Variants in L3MBTL4 observed in about 807,000 individuals in gnomAD.
The protein encoded by L3MBTL4 is L3MBTL histone methyl-lysine binding protein 4.
A neutral mutation model predicts 84.5 loss-of-function variants in L3MBTL4; 70 were observed. That is an observed-to-expected ratio of 0.83 (90% CI 0.68 to 1.01). L3MBTL4 has a LOEUF of 1.01. L3MBTL4 is among the 50% of genes least tolerant of loss of function. The pLI, the probability that L3MBTL4 is intolerant of heterozygous loss-of-function variation, is 0.00. For missense variants in L3MBTL4, 715 were observed against 754.8 expected (o/e 0.95, Z 0.62); for synonymous variants, 274 against 259.8 (o/e 1.05, Z -0.52).
intron 17 of L3MBTL4, among the ~76,000 whole-genome samples, chr18:5,961,380 G>T (rs2095262643): frequency 6.6e-6 from 1 of 152,204 alleles, no homozygotes; most frequent in African/African-American, 2.4e-5. Flanking sequence ...CATACCCTAG[G>T]GCTGGACACC....
At chr18:6,393,225 C>A (rs2055131927) in intron 1 of L3MBTL4, among the ~76,000 whole-genome samples, 1 of 152,188 alleles carries the variant, frequency 6.6e-6, no homozygotes, top group Admixed American at 6.5e-5. Context: ...CAACTAATTT[C>A]TCTGTGCACT....
chr18:6,068,227 T>A (rs2057460953), intron 16 of L3MBTL4, among the ~76,000 whole-genome samples: 1 of 152,188 alleles, frequency 6.6e-6, no homozygotes, highest in African/African-American at 2.4e-5. Flanking sequence ...CACCTTTTTA[T>A]TTATTTAATT....
rs545068598 is a variant in L3MBTL4 at position 6,171,998 on chromosome 18, T to C, written c.982-56A>G. On this transcript the variant is annotated intron_variant, in intron 12 of 18. Coordinates refer to ENST00000317931, the MANE Select transcript of L3MBTL4 (RefSeq NM_001330559.2). ...TTAGTAATTAGGATTTCACTATTCC[T>C]GTATCAAAATATTTGAATACAGATG... 56 of 811,100 alleles carry C rather than the reference T, an allele frequency of 6.9e-5. 1 individual carries two copies. In the South Asian group the frequency reaches 9.3e-4, roughly 13 times the overall value. The allele number at this position is 811,100 out of a possible 1,614,324, so 50.2% of individuals were successfully genotyped here.
chr18:6,029,655 A>C (rs1598482052), intron 16 of L3MBTL4: 1 of 985,368 alleles, frequency 1.0e-6, no homozygotes, highest in African/African-American at 1.7e-5. Context: ...ACAGGACAGG[A>C]AATATTTGAG....
chr18:6,179,492 G>A (rs1383259824), intron 12 of L3MBTL4, among the ~76,000 whole-genome samples: 2 of 152,200 alleles, frequency 1.3e-5, no homozygotes, highest in Non-Finnish European at 2.9e-5. Flanking sequence ...TTGAGGGATG[G>A]CAAAGGTGGG....
In L3MBTL4 at chr18:6,138,326, A is replaced by C. The variant is rs371619949; in HGVS notation, c.1097-30T>G. ...AGGAAGTAAAAGAACATGCCTTGAAAACACCCTCATTAAAGAAGACTGCAA... is the reference window on the plus strand; with the variant it reads ...AGGAAGTAAAAGAACATGCCTTGAACACACCCTCATTAAAGAAGACTGCAA... On this transcript the variant is annotated intron_variant, in intron 13 of 18. Coordinates refer to ENST00000317931, the MANE Select transcript of L3MBTL4 (RefSeq NM_001330559.2). 3.2e-4 allele frequency: 426 copies of C among 1,340,814 alleles called. 2 individuals are homozygous for C. The African/African-American group carries it at 5.1e-3, about 16-fold the overall frequency. The allele number at this position is 1,340,814 out of a possible 1,614,324, so 83.1% of individuals were successfully genotyped here. A position where few individuals can be genotyped will look rare whatever the true frequency, so the allele number is the denominator to read the frequency against.
chr18:6,049,131 A>G (rs979830462), intron 16 of L3MBTL4, among the ~76,000 whole-genome samples: 3 of 148,418 alleles, frequency 2.0e-5, no homozygotes, highest in Non-Finnish European at 4.5e-5. Flanking sequence ...CAAACAAAAG[A>G]AAAAAAAAGG....
chr18:6,347,457 A>G (rs1162833682), intron 1 of L3MBTL4, among the ~76,000 whole-genome samples: 1 of 151,720 alleles, frequency 6.6e-6, no homozygotes, highest in East Asian at 1.9e-4. Flanking sequence ...ATAGTTGTAT[A>G]TATTCTCCAA....
At chr18:6,329,279 G>A (rs1339449896) in intron 1 of L3MBTL4, among the ~76,000 whole-genome samples, 14 of 149,310 alleles carry the variant, frequency 9.4e-5, no homozygotes, top group East Asian at 4.1e-4. Context: ...TCAGCCTCCC[G>A]AGTAGCTGGG....
intron 4 of L3MBTL4, among the ~76,000 whole-genome samples, chr18:6,295,285 A>ACAG (rs1243730331): frequency 2.3e-4 from 34 of 148,928 alleles, no homozygotes; most frequent in African/African-American, 8.0e-4. Flanking sequence ...AAACAAAACA[A>ACAG]CAGCAACAAC....
intron 13 of L3MBTL4, among the ~76,000 whole-genome samples, chr18:6,151,768 A>G (rs1023385881): frequency 2.0e-5 from 3 of 152,240 alleles, no homozygotes; most frequent in Admixed American, 2.0e-4. Flanking sequence ...ATAAACATAT[A>G]TATTGTGTGA....
chr18:6,295,310 CTCTCTCTCTCT>C (rs2050047632), intron 4 of L3MBTL4, among the ~76,000 whole-genome samples: 1 of 35,416 alleles, frequency 2.8e-5, no homozygotes, highest in Non-Finnish European at 5.8e-5. Flanking sequence ...ACAACAACAA[CTCTCTCTCTCT>C]CTCTCTCTCT....
At chr18:5,991,201 C>T (rs928120480) in intron 16 of L3MBTL4, among the ~76,000 whole-genome samples, 3 of 152,134 alleles carry the variant, frequency 2.0e-5, no homozygotes, top group African/African-American at 7.2e-5. Flanking sequence ...TTTCCATGCC[C>T]GTACATGACT....
At chr18:6,058,485 G>A (rs1412281125) in intron 16 of L3MBTL4, among the ~76,000 whole-genome samples, 4 of 151,874 alleles carry the variant, frequency 2.6e-5, no homozygotes, top group Non-Finnish European at 5.9e-5. Context: ...GTTTGTTTTT[G>A]TTGTTTTTTT....
intron 1 of L3MBTL4, among the ~76,000 whole-genome samples, chr18:6,411,769 T>C (rs1009559864): frequency 6.6e-6 from 1 of 152,178 alleles, no homozygotes; most frequent in Non-Finnish European, 1.5e-5. Flanking sequence ...CCTAACTGGC[T>C]TTCCCCCGAT....
At chr18:6,396,099 C>A (rs549938628) in intron 1 of L3MBTL4, 1 of 152,132 alleles carries the variant, frequency 6.6e-6, no homozygotes, top group Admixed American at 6.5e-5. Context: ...GGAAATGAAG[C>A]TAGCCACATT....
intron 16 of L3MBTL4, among the ~76,000 whole-genome samples, chr18:6,011,730 T>A (rs527459983): frequency 5.5e-4 from 84 of 152,284 alleles, no homozygotes; most frequent in Non-Finnish European, 8.4e-4. Context: ...TCAGACCAGC[T>A]CAAAGGAAAC....
intron 4 of L3MBTL4, among the ~76,000 whole-genome samples, chr18:6,278,994 A>G (rs1010694019): frequency 5.9e-5 from 9 of 152,162 alleles, no homozygotes; most frequent in Admixed American, 5.9e-4. Flanking sequence ...GTTAAAAGTG[A>G]CCAGGAACGT....
intron 14 of L3MBTL4, among the ~76,000 whole-genome samples, chr18:6,133,195 C>G (rs148980275): frequency 2.0e-5 from 3 of 152,152 alleles, no homozygotes; most frequent in African/African-American, 7.2e-5. Context: ...GATGATGGAA[C>G]CGTTCCATAT....
Sources: allele counts gnomAD v4.1 joint callset (sites outside exome capture counted in the v4.1 genomes callset), GRCh38; gene constraint gnomAD v4.1.1; transcripts MANE v1.5; gene names NCBI Gene and HGNC (gene_info 2026-07-23, HGNC 2026-07-21).